Variants in GLRA2 observed in about 807,000 individuals in gnomAD.
GLRA2 encodes the protein glycine receptor subunit alpha-2.
GLRA2 carries 11 observed loss-of-function variants against 31.6 expected under a neutral mutation model. That is an observed-to-expected ratio of 0.35 (90% CI 0.22 to 0.58). GLRA2 has a LOEUF of 0.58. Ranked by LOEUF, GLRA2 falls within the 20% of genes least tolerant of loss-of-function variation. The pLI, the probability that GLRA2 is intolerant of heterozygous loss-of-function variation, is 0.84. For missense variants in GLRA2, 212 were observed against 351.8 expected, an observed-to-expected ratio of 0.60 and a Z score of 3.18; for synonymous variants, 132 against 134.0, an observed-to-expected ratio of 0.99 and a Z score of 0.10.
chrX:14,586,862 C>A (rs1007362002), intron 4 of GLRA2, among the ~76,000 whole-genome samples: 5 of 111,967 alleles, frequency 4.5e-5, no homozygotes, highest in Non-Finnish European at 1.9e-5. Context: ...CCCATTGCTT[C>A]TGAGAATTTA....
At chrX:14,658,179 C>T (rs1326797931) in intron 7 of GLRA2, among the ~76,000 whole-genome samples, 3 of 111,348 alleles carry the variant, frequency 2.7e-5, no homozygotes, top group African/African-American at 9.8e-5. Flanking sequence ...ATGAAACTTT[C>T]TCTTACCTGC....
the GLRA2 span, among the ~76,000 whole-genome samples, chrX:14,521,227 G>C: frequency 8.9e-6 from 1 of 112,503 alleles, no homozygotes; most frequent in Non-Finnish European, 1.9e-5. Flanking sequence ...GTCTGTGAGG[G>C]AGGGTGTTTC....
intron 7 of GLRA2, among the ~76,000 whole-genome samples, chrX:14,620,119 C>T (rs1028600621): frequency 9.1e-6 from 1 of 109,363 alleles, no homozygotes; most frequent in Non-Finnish European, 1.9e-5. Context: ...AGTAGTGTTA[C>T]ATTTCTTTTT....
chrX:14,575,850 C>A (rs188185061), intron 3 of GLRA2, among the ~76,000 whole-genome samples: 191 of 111,525 alleles, frequency 1.7e-3, no homozygotes, highest in Non-Finnish European at 2.5e-3. Flanking sequence ...GGGTTCTCGG[C>A]TACAGCATGG....
chrX:14,505,749 C>A, the GLRA2 span, among the ~76,000 whole-genome samples: 1 of 111,267 alleles, frequency 9.0e-6, no homozygotes, highest in Non-Finnish European at 1.9e-5. Flanking sequence ...AAAACCTTAC[C>A]CAGAAATGAA....
chrX:14,731,003 G>A lies in GLRA2; in HGVS notation c.*518G>A, dbSNP rs972112758. ...CATAGTGACTAGCCTATAGTGAGTC[G>A]AGGACCAAACTTTTTCAGGAAAATG... On this transcript the variant is annotated 3_prime_UTR_variant, in exon 9 of 9. Transcript: ENST00000218075. The A allele has an allele frequency of 2.7e-5, 3 of 110,739 alleles. No individual in the cohort carries two copies. The highest frequency in any genetic ancestry group is 3.7e-5 in the Non-Finnish European group (2 of 53,476). The allele number at this position is 110,739 out of a possible 1,213,427, so 9.1% of individuals were successfully genotyped here. A position where few individuals can be genotyped will look rare whatever the true frequency, so the allele number is the denominator to read the frequency against.
intron 8 of GLRA2, among the ~76,000 whole-genome samples, chrX:14,711,109 T>G (rs1436348254): frequency 8.9e-6 from 1 of 112,330 alleles, no homozygotes; most frequent in East Asian, 2.8e-4. Flanking sequence ...CCTTCATTCT[T>G]TTGAAAATAC....
At chrX:14,462,353 T>C in the GLRA2 span, among the ~76,000 whole-genome samples, 7 of 111,249 alleles carry the variant, frequency 6.3e-5, no homozygotes, top group Non-Finnish European at 1.1e-4. Context: ...AGGAGTATCT[T>C]TGTGGTGTTC....
At chrX:14,688,063 C>A (rs909189004) in intron 7 of GLRA2, among the ~76,000 whole-genome samples, 1 of 112,030 alleles carries the variant, frequency 8.9e-6, no homozygotes, top group African/African-American at 3.3e-5. Flanking sequence ...TGCTGGAGGT[C>A]CACTCCAGAT....
intron 6 of GLRA2, 81 bp from the exon 7 acceptor site, chrX:14,608,910 T>TC (rs1381316951): frequency 1.6e-5 from 8 of 501,258 alleles, no homozygotes; most frequent in East Asian, 7.0e-5. Context: ...CTTTTTTTTT[T>TC]TTTTTTTTAA....
intron 7 of GLRA2, among the ~76,000 whole-genome samples, chrX:14,657,724 T>G (rs2090953718): frequency 8.9e-6 from 1 of 112,419 alleles, no homozygotes; most frequent in African/African-American, 3.2e-5. Context: ...TATAGAAACC[T>G]TAATTGCAAA....
intron 4 of GLRA2, among the ~76,000 whole-genome samples, chrX:14,595,658 C>G (rs2090193598): frequency 9.0e-6 from 1 of 111,045 alleles, no homozygotes; most frequent in Admixed American, 9.6e-5. Flanking sequence ...TCTGATAGAC[C>G]AAAAGGGCCC....
the GLRA2 span, among the ~76,000 whole-genome samples, chrX:14,492,031 A>G: frequency 9.0e-6 from 1 of 111,408 alleles, no homozygotes; most frequent in Admixed American, 9.6e-5. Flanking sequence ...ACTGTGAGAA[A>G]GAGAAAGAGC....
chrX:14,693,716 T>C (rs1012392080), intron 8 of GLRA2, among the ~76,000 whole-genome samples: 2 of 111,910 alleles, frequency 1.8e-5, no homozygotes, highest in Non-Finnish European at 3.8e-5. Context: ...ATAACAAATA[T>C]CAAAACACTG....
chrX:14,643,865 A>G (rs1180342903), intron 7 of GLRA2, among the ~76,000 whole-genome samples: 1 of 111,947 alleles, frequency 8.9e-6, no homozygotes, highest in African/African-American at 3.2e-5. Context: ...AGAAAAGTGG[A>G]AGGTGGGAAG....
intron 8 of GLRA2, among the ~76,000 whole-genome samples, chrX:14,728,667 G>A (rs947070680): frequency 8.9e-6 from 1 of 111,997 alleles, no homozygotes; most frequent in African/African-American, 3.2e-5. Context: ...GTATCACAAT[G>A]GGCAATGTCG....
intron 4 of GLRA2, among the ~76,000 whole-genome samples, chrX:14,603,923 A>G (rs967754180): frequency 9.0e-6 from 1 of 111,469 alleles, no homozygotes; most frequent in Admixed American, 9.5e-5. Context: ...GCAAAGTCCA[A>G]GGTGTAATTC....
At chrX:14,607,877 G>A (rs1173259096) in intron 6 of GLRA2, among the ~76,000 whole-genome samples, 1 of 111,011 alleles carries the variant, frequency 9.0e-6, no homozygotes, top group Non-Finnish European at 1.9e-5. Flanking sequence ...AGAACTTGAG[G>A]TGGTAGCAAC....
the GLRA2 span, among the ~76,000 whole-genome samples, chrX:14,510,057 G>A: frequency 9.0e-6 from 1 of 111,612 alleles, no homozygotes; most frequent in African/African-American, 3.3e-5. Flanking sequence ...AAACAAGATG[G>A]ACCCAATAGG....
Sources: allele counts gnomAD v4.1 joint callset (sites outside exome capture counted in the v4.1 genomes callset), GRCh38; gene constraint gnomAD v4.1.1; transcripts MANE v1.5; gene names NCBI Gene and HGNC (gene_info 2026-07-23, HGNC 2026-07-21).